Variants in OR4K1 observed in about 807,000 individuals in gnomAD.
OR4K1 encodes olfactory receptor family 4 subfamily K member 1, also known as olfactory receptor 4K1.
In OR4K1, 16 loss-of-function variants were observed where a neutral mutation model predicts 14.4. That is an observed-to-expected ratio of 1.11 (90% CI 0.75 to 1.68). The LOEUF is 1.68. Among genes scored for constraint, OR4K1 ranks in the 40% most tolerant of loss-of-function variants. OR4K1 has a pLI of 0.00. For missense variants in OR4K1, 548 were observed against 376.9 expected, an observed-to-expected ratio of 1.45 and a Z score of -3.76; for synonymous variants, 181 against 133.1, an observed-to-expected ratio of 1.36 and a Z score of -2.48.
At chr14:19,935,125 C>T in intron 1 of OR4K1, among the ~76,000 whole-genome samples, 1 of 152,234 alleles carries the variant, frequency 6.6e-6, no homozygotes, top group East Asian at 1.9e-4. Context: ...TCCAGCCAGG[C>T]CACTCAACTA....
the OR4K1 span, chr14:19,921,597 T>G: frequency 6.3e-7 from 1 of 1,596,656 alleles, no homozygotes; most frequent in Non-Finnish European, 8.5e-7. Flanking sequence ...TCCTTCAAAT[T>G]CCTCAGGTCA....
chr14:19,921,276 A>G, the OR4K1 span: 1 of 1,614,132 alleles, frequency 6.2e-7, no homozygotes, highest in Non-Finnish European at 8.5e-7. Context: ...TATTCTTGTT[A>G]CAGTTTGGCT....
At chr14:19,921,858 A>G in the OR4K1 span, among the ~76,000 whole-genome samples, 1 of 152,302 alleles carries the variant, frequency 6.6e-6, no homozygotes, top group African/African-American at 2.4e-5. Context: ...AAATATCAAG[A>G]AAAAAATCAA....
In OR4K1 at chr14:19,935,764, T is replaced by G. The variant is rs546173877; in HGVS notation, c.98T>G (p.Ile33Arg). The G allele has an allele frequency of 1.2e-6, 2 of 1,614,180 alleles. No individual in the cohort carries two copies. Among genetic ancestry groups the G allele is most frequent in the Non-Finnish European group, 1.7e-6 (2 of 1,179,988 alleles). The change falls in exon 2 of 2, where the codon ATA becomes AGA. Residue 33 changes from isoleucine (I) to arginine (R), a missense_variant. Coordinates refer to ENST00000641172, the MANE Select transcript of OR4K1 (RefSeq NM_001004063.3). ...CTTTTCTTTTTTGCCATCTTCTCTA[T>G]AGTCTATGTGACATCAGTGCTAGGC... ...LQLFFFAIFSIVYVTSVLGNV... is the reference protein window; with the variant it reads ...LQLFFFAIFSRVYVTSVLGNV...
chr14:19,927,464 T>C (rs1038232993), upstream of OR4K1, among the ~76,000 whole-genome samples: 2 of 152,140 alleles, frequency 1.3e-5, no homozygotes, highest in Admixed American at 1.3e-4. Context: ...AAATTGAAAA[T>C]TGGAGGAAAG....
chr14:19,935,706 C>T lies in OR4K1; in HGVS notation c.40C>T (p.Leu14Phe). 6.2e-7 allele frequency: 1 copy of T among 1,612,226 alleles called. No individual in the cohort carries two copies. The highest frequency in any genetic ancestry group is 8.5e-7 in the Non-Finnish European group (1 of 1,179,600). Reference protein sequence around the residue: ...TNESMVSEFVLLGLSNSWGLQ... With the variant: ...TNESMVSEFVFLGLSNSWGLQ... The stretch of plus-strand genomic sequence containing the variant: ...TGAATCGATGGTGTCTGAGTTTGTA[C>T]TTTTGGGACTCTCTAATTCCTGGGG... The change falls in exon 2 of 2, where the codon CTT becomes TTT. Residue 14 changes from leucine (L) to phenylalanine (F), a missense_variant. Transcript: ENST00000641172.
chr14:19,928,244 T>C (rs1882102374), upstream of OR4K1, among the ~76,000 whole-genome samples: 1 of 152,252 alleles, frequency 6.6e-6, no homozygotes, highest in Non-Finnish European at 1.5e-5. Flanking sequence ...TTGTGGTTCC[T>C]GTCCCAACAA....
the OR4K1 span, chr14:19,920,925 T>C: frequency 6.2e-7 from 1 of 1,614,184 alleles, no homozygotes; most frequent in Non-Finnish European, 8.5e-7. Flanking sequence ...TATTCACCTT[T>C]TTACTGGAGG....
At chr14:19,923,096 G>T in the OR4K1 span, among the ~76,000 whole-genome samples, 1 of 152,176 alleles carries the variant, frequency 6.6e-6, no homozygotes, top group Admixed American at 6.5e-5. Flanking sequence ...TGTACATTTT[G>T]GGAGCTAGGC....
At chr14:19,933,385 G>A (rs1410320781) in intron 1 of OR4K1, among the ~76,000 whole-genome samples, 2 of 152,088 alleles carry the variant, frequency 1.3e-5, no homozygotes, top group Non-Finnish European at 2.9e-5. Flanking sequence ...TAGCTCTTTA[G>A]GAATTTTTTT....
At chr14:19,921,363 C>A in the OR4K1 span, 3 of 1,614,132 alleles carry the variant, frequency 1.9e-6, no homozygotes, top group Non-Finnish European at 2.5e-6. Context: ...ATTCTTTGGA[C>A]CTTGCATCTT....
At position 19,936,598 on chromosome 14, in the gene OR4K1, A is replaced by T. The variant is rs752645933; in HGVS notation, c.932A>T (p.Asn311Ile). ...LRNRHVNSWKN is the reference protein window; with the variant it reads ...LRNRHVNSWKI Reference sequence around the variant, plus strand: ...AACCGTCATGTGAACTCCTGGAAAAACTAGGGATCATTACGAAGGAGCATA... The same window carrying T: ...AACCGTCATGTGAACTCCTGGAAAATCTAGGGATCATTACGAAGGAGCATA... Residue 311 changes from asparagine to isoleucine, a missense_variant, in exon 2 of 2, where the codon AAC becomes ATC. Asn to Ile is a moderately radical substitution (Grantham distance 149). Transcript: ENST00000641172. 1 of 1,597,178 alleles carries T rather than the reference A, an allele frequency of 6.3e-7. No individual in the cohort carries two copies.
At chr14:19,920,903 C>A in the OR4K1 span, 2 of 1,614,136 alleles carry the variant, frequency 1.2e-6, no homozygotes, top group South Asian at 2.2e-5. Flanking sequence ...GCTGCATAGC[C>A]CAAATTTTCT....
At chr14:19,920,854 C>T in the OR4K1 span, 1 of 1,614,196 alleles carries the variant, frequency 6.2e-7, no homozygotes, top group South Asian at 1.1e-5. Flanking sequence ...AAAATGATTG[C>T]AGATTTTCTG....
the OR4K1 span, among the ~76,000 whole-genome samples, chr14:19,924,895 TTTCGGTTAGGA>T: frequency 6.6e-6 from 1 of 152,350 alleles, no homozygotes; most frequent in Non-Finnish European, 1.5e-5. Context: ...TAGCATCGTA[TTTCGGTTAGGA>T]TTGTGATATT....
At chr14:19,924,387 C>G in the OR4K1 span, among the ~76,000 whole-genome samples, 1 of 45,572 alleles carries the variant, frequency 2.2e-5, no homozygotes, top group East Asian at 8.9e-4. Flanking sequence ...GCAACAAGAG[C>G]AAAACTCCGT....
chr14:19,936,510 T>C lies in OR4K1; in HGVS notation c.844T>C (p.Leu282=), dbSNP rs1455636756. Residue 282 remains leucine, a synonymous_variant, in exon 2 of 2, where the codon TTG becomes CTG. Coordinates refer to ENST00000641172, the MANE Select transcript of OR4K1 (RefSeq NM_001004063.3). The part of the protein sequence containing the change: ...SVFYTVCTPL[L]NPIIYSLRNE... The stretch of plus-strand genomic sequence containing the variant: ...GTTCTACACTGTTTGTACTCCCTTG[T>C]TGAACCCCATCATCTACTCTCTGAG... The C allele has an allele frequency of 6.2e-7, 1 of 1,613,876 alleles. No homozygotes were observed. The highest frequency in any genetic ancestry group is 2.2e-5 in the East Asian group (1 of 44,888).
At chr14:19,929,561 T>C (rs1362776246), upstream of OR4K1, among the ~76,000 whole-genome samples, 1 of 152,124 alleles carries the variant, frequency 6.6e-6, no homozygotes, top group Non-Finnish European at 1.5e-5. Context: ...CTCCTAGTAA[T>C]CTTTGTAGGC....
the OR4K1 span, among the ~76,000 whole-genome samples, chr14:19,923,868 A>G: frequency 1.3e-5 from 2 of 152,232 alleles, no homozygotes; most frequent in Non-Finnish European, 2.9e-5. Flanking sequence ...TCCTATTACC[A>G]GTTGCTAATT....
Sources: allele counts gnomAD v4.1 joint callset (sites outside exome capture counted in the v4.1 genomes callset), GRCh38; gene constraint gnomAD v4.1.1; transcripts MANE v1.5; gene names NCBI Gene and HGNC (gene_info 2026-07-23, HGNC 2026-07-21).